EML4: variants seen among roughly 807,000 people sequenced by gnomAD.
EML4 encodes echinoderm microtubule-associated protein-like 4.
EML4 carries 72 observed loss-of-function variants against 129.0 expected under a neutral mutation model. The observed-to-expected ratio is 0.56, with a 90% CI of 0.46 to 0.68. The LOEUF is 0.68. Ranked by LOEUF, EML4 falls within the 30% of genes least tolerant of loss-of-function variation. The probability of loss-of-function intolerance (pLI) is 0.00; values close to 1 mark genes in which losing one functional copy is unlikely to be tolerated. For synonymous variants in EML4, 532 were observed against 405.0 expected (o/e 1.31, Z -3.77); for missense variants, 1,363 against 1,190.6 (o/e 1.14, Z -2.13).
intron 7 of EML4, among the ~76,000 whole-genome samples, chr2:42,282,604 A>T (rs1042168228): frequency 6.6e-6 from 1 of 151,958 alleles, no homozygotes; most frequent in African/African-American, 2.4e-5. Flanking sequence ...TATTGCCCGC[A>T]CTACTCTCAA....
intron 1 of EML4, among the ~76,000 whole-genome samples, chr2:42,230,846 A>C (rs1025687333): frequency 2.0e-5 from 3 of 152,212 alleles, no homozygotes; most frequent in Admixed American, 6.5e-5. Flanking sequence ...CTTCTCAGAA[A>C]AGGCTCATTC....
At chr2:42,257,550 T>C (rs1477182419) in intron 3 of EML4, among the ~76,000 whole-genome samples, 1 of 152,080 alleles carries the variant, frequency 6.6e-6, no homozygotes, top group Non-Finnish European at 1.5e-5. Flanking sequence ...AAATTCCGTC[T>C]AGAGGCCGGG....
chr2:42,319,890 G>A (rs755261008), intron 19 of EML4: 21 of 152,146 alleles, frequency 1.4e-4, no homozygotes, highest in African/African-American at 4.6e-4. Context: ...AGCACAGTAC[G>A]CTTAGAGCTT....
chr2:42,277,941 A>G (rs1473457283), intron 6 of EML4, among the ~76,000 whole-genome samples: 1 of 152,178 alleles, frequency 6.6e-6, no homozygotes, highest in Non-Finnish European at 1.5e-5. Context: ...CTTCCTCTTC[A>G]TGGTTTGCAT....
At position 42,330,334 on chromosome 2, in the gene EML4, T is replaced by G. The variant is rs1005639111; in HGVS notation, c.*127T>G. On this transcript the variant is annotated 3_prime_UTR_variant, in exon 23 of 23. Coordinates refer to ENST00000318522, the MANE Select transcript of EML4 (RefSeq NM_019063.5). ...GATTTTGGTTTCCATGTGATTTGTTTTCTTCAATAGTCTTATTTTCAGTCT... is the reference window on the plus strand; with the variant it reads ...GATTTTGGTTTCCATGTGATTTGTTGTCTTCAATAGTCTTATTTTCAGTCT... The G allele has an allele frequency of 1.2e-6, 1 of 827,952 alleles. No individual in the cohort carries two copies. The highest frequency in any genetic ancestry group is 2.0e-6 in the Non-Finnish European group (1 of 497,576). The allele number at this position is 827,952 out of a possible 1,614,324, so 51.3% of individuals were successfully genotyped here.
chr2:42,245,833 G>C, intron 2 of EML4, 146 bp downstream of exon 2: 1 of 700,692 alleles, frequency 1.4e-6, no homozygotes, highest in Non-Finnish European at 2.2e-6. Flanking sequence ...TTCCCAAAAA[G>C]TTCTGAAAGT....
chr2:42,223,106 A>G (rs996303773), intron 1 of EML4, among the ~76,000 whole-genome samples: 2 of 152,070 alleles, frequency 1.3e-5, no homozygotes, highest in African/African-American at 4.8e-5. Context: ...TGCCTGGCCA[A>G]TATAATGTAT....
chr2:42,215,351 C>G (rs927742887), intron 1 of EML4, among the ~76,000 whole-genome samples: 1 of 152,166 alleles, frequency 6.6e-6, no homozygotes, highest in Non-Finnish European at 1.5e-5. Flanking sequence ...CCATGCCCAG[C>G]CATAAAACCA....
rs577398767 is a variant in EML4, at chr2:42,271,222, T to C, written c.667+6491T>C. ...TCTAAAATTTACATACTGTCCCTTT[T>C]AATAACCTGTATAACCATAACTTGG... On this transcript the variant is annotated intron_variant, in intron 6 of 22. Coordinates refer to ENST00000318522, the MANE Select transcript of EML4 (RefSeq NM_019063.5). Among the ~76,000 whole-genome samples the C allele has an allele frequency of 7.9e-5, 12 of 152,340 alleles. No individual in the cohort carries two copies. In the South Asian group the frequency reaches 2.3e-3, roughly 29 times the overall value.
chr2:42,244,094 G>GTTT (rs898798718), intron 1 of EML4, among the ~76,000 whole-genome samples: 48 of 44,916 alleles, frequency 1.1e-3, no homozygotes, highest in Middle Eastern at 7.2e-3. Context: ...TTTTGTTTTT[G>GTTT]TTTTTTGTTT....
intron 19 of EML4, among the ~76,000 whole-genome samples, chr2:42,321,233 A>G (rs1669503875): frequency 6.6e-6 from 1 of 152,018 alleles, no homozygotes; most frequent in African/African-American, 2.4e-5. Context: ...AATACAAAAA[A>G]TTAGCCGGGC....
intron 2 of EML4, among the ~76,000 whole-genome samples, chr2:42,252,688 C>T (rs1675860678): frequency 6.6e-6 from 1 of 152,160 alleles, no homozygotes; most frequent in South Asian, 2.1e-4. Context: ...ACTCTCTTTG[C>T]TGTTAGAGTG....
At chr2:42,273,235 G>A (rs978239832) in intron 6 of EML4, among the ~76,000 whole-genome samples, 1 of 152,100 alleles carries the variant, frequency 6.6e-6, no homozygotes, top group Non-Finnish European at 1.5e-5. Context: ...ACCATATTTT[G>A]CCTACAGAAA....
intron 1 of EML4, among the ~76,000 whole-genome samples, chr2:42,171,343 C>T (rs779854971): frequency 4.3e-4 from 65 of 152,164 alleles, no homozygotes; most frequent in Non-Finnish European, 7.8e-4. Flanking sequence ...GTGGTGAGAT[C>T]ACTTTAACTT....
chr2:42,245,899 C>A (rs932743526), intron 2 of EML4, among the ~76,000 whole-genome samples: 2 of 151,962 alleles, frequency 1.3e-5, no homozygotes, highest in African/African-American at 4.8e-5. Context: ...ATTATACTCA[C>A]AGGTTTTTTA....
chr2:42,184,915 A>G (rs1007250769), intron 1 of EML4, among the ~76,000 whole-genome samples: 1 of 152,234 alleles, frequency 6.6e-6, no homozygotes, highest in Non-Finnish European at 1.5e-5. Flanking sequence ...TTTGAGTGGT[A>G]ACTGCTCTCA....
At chr2:42,198,350 G>A (rs933290149) in intron 1 of EML4, among the ~76,000 whole-genome samples, 1 of 152,116 alleles carries the variant, frequency 6.6e-6, no homozygotes, top group Non-Finnish European at 1.5e-5. Context: ...AAGTAATAGG[G>A]GAGACACTCT....
chr2:42,226,848 A>G (rs991693578), intron 1 of EML4, among the ~76,000 whole-genome samples: 3 of 152,106 alleles, frequency 2.0e-5, no homozygotes, highest in Non-Finnish European at 4.4e-5. Context: ...CACCATAAAT[A>G]TATACAACTT....
intron 13 of EML4, among the ~76,000 whole-genome samples, chr2:42,300,260 A>G (rs1668207828): frequency 6.6e-6 from 1 of 152,214 alleles, no homozygotes; most frequent in Non-Finnish European, 1.5e-5. Context: ...GTAGGACATC[A>G]TCTTCCAAAA....
Sources: gnomAD v4.1 joint callset for allele counts (sites outside exome capture counted in the v4.1 genomes callset) on GRCh38, gnomAD v4.1.1 for gene constraint, MANE v1.5 for transcripts, NCBI Gene and HGNC (gene_info 2026-07-23, HGNC 2026-07-21) for gene names.